Variants in TTC8 observed in about 807,000 individuals in gnomAD.
TTC8 encodes the protein tetratricopeptide repeat domain 8, also known as tetratricopeptide repeat protein 8.
A neutral mutation model predicts 72.5 loss-of-function variants in TTC8; 47 were observed. The ratio of observed to expected loss-of-function variants is 0.65; its 90% CI spans 0.51 to 0.83. The LOEUF (loss-of-function observed/expected upper bound fraction) is 0.83, where lower values mean the gene tolerates loss of function less well. Ranked by LOEUF, TTC8 falls within the 40% of genes least tolerant of loss-of-function variation. The probability of loss-of-function intolerance (pLI) is 0.00; values close to 1 mark genes in which losing one functional copy is unlikely to be tolerated. For missense variants in TTC8, 611 were observed against 623.2 expected, an observed-to-expected ratio of 0.98 and a Z score of 0.21; for synonymous variants, 199 against 221.4, an observed-to-expected ratio of 0.90 and a Z score of 0.90.
intron 3 of TTC8, 37 bp downstream of exon 3, chr14:88,839,609 C>T (rs2094770488): frequency 2.5e-6 from 4 of 1,608,676 alleles, no homozygotes; most frequent in Non-Finnish European, 3.4e-6. Context: ...AATGAAATAC[C>T]ATTAAGAGGA....
At chr14:88,876,718 T>C (rs1487872807) in intron 14 of TTC8, among the ~76,000 whole-genome samples, 1 of 152,180 alleles carries the variant, frequency 6.6e-6, no homozygotes, top group Admixed American at 6.5e-5. Flanking sequence ...GAGACATCCT[T>C]TATAAACTTT....
At chr14:88,862,541 CATATATATATATAT>C (rs71130022) in intron 10 of TTC8, among the ~76,000 whole-genome samples, 707 of 23,774 alleles carry the variant, frequency 0.03, 18 homozygotes, top group Non-Finnish European at 0.041. Context: ...TCTCTCTCTC[CATATATATATATAT>C]ATATATATAT....
At chr14:88,839,190 T>C (rs973871677) in intron 2 of TTC8, among the ~76,000 whole-genome samples, 1 of 152,182 alleles carries the variant, frequency 6.6e-6, no homozygotes, top group African/African-American at 2.4e-5. Flanking sequence ...TTTTTATTTA[T>C]AAAAAGGAGT....
At chr14:88,837,781 A>G (rs2094759887) in intron 2 of TTC8, among the ~76,000 whole-genome samples, 1 of 152,126 alleles carries the variant, frequency 6.6e-6, no homozygotes, top group African/African-American at 2.4e-5. Context: ...AGTTGTATAG[A>G]TATGGTATTG....
intron 2 of TTC8, among the ~76,000 whole-genome samples, chr14:88,836,356 G>GAT (rs892051628): frequency 2.0e-5 from 3 of 151,928 alleles, no homozygotes; most frequent in Non-Finnish European, 4.4e-5. Context: ...AGCTGGGTGT[G>GAT]ATAGTACACA....
chr14:88,849,787 T>G (rs2094825354), intron 7 of TTC8, among the ~76,000 whole-genome samples: 1 of 152,214 alleles, frequency 6.6e-6, no homozygotes, highest in South Asian at 2.1e-4. Context: ...AAGTTATATA[T>G]GGAAAACTAT....
intron 8 of TTC8, among the ~76,000 whole-genome samples, chr14:88,854,597 G>A (rs955743233): frequency 6.6e-6 from 1 of 152,126 alleles, no homozygotes; most frequent in African/African-American, 2.4e-5. Flanking sequence ...GATATCTTGG[G>A]GATGGGACCC....
chr14:88,839,111 A>T (rs985423547), intron 2 of TTC8, among the ~76,000 whole-genome samples: 2 of 152,200 alleles, frequency 1.3e-5, no homozygotes, highest in African/African-American at 2.4e-5. Flanking sequence ...AGAAAGAACA[A>T]TGTGGTTGTA....
chr14:88,868,559 A>G (rs1405212061), intron 10 of TTC8, among the ~76,000 whole-genome samples: 1 of 152,220 alleles, frequency 6.6e-6, no homozygotes. Flanking sequence ...AAAGGAATTT[A>G]CCATATTTCA....
intron 14 of TTC8, among the ~76,000 whole-genome samples, chr14:88,876,176 T>G (rs2094956618): frequency 6.6e-6 from 1 of 152,200 alleles, no homozygotes; most frequent in African/African-American, 2.4e-5. Flanking sequence ...GCTTAGTTAG[T>G]TAAACCCCCA....
intron 2 of TTC8, among the ~76,000 whole-genome samples, chr14:88,836,043 T>G (rs947757991): frequency 6.6e-6 from 1 of 152,148 alleles, no homozygotes; most frequent in African/African-American, 2.4e-5. Flanking sequence ...CTGATAAAAT[T>G]TAAAATTGAA....
chr14:88,861,470 C>G, intron 10 of TTC8, 138 bp downstream of exon 10: 1 of 624,232 alleles, frequency 1.6e-6, no homozygotes, highest in South Asian at 2.0e-5. Flanking sequence ...TCACCTCAAA[C>G]ATTTATCTTT....
intron 7 of TTC8, among the ~76,000 whole-genome samples, chr14:88,850,965 C>T (rs1398880701): frequency 6.6e-6 from 1 of 152,120 alleles, no homozygotes; most frequent in Admixed American, 6.5e-5. Context: ...AAATTCTGTA[C>T]ATCTCGAAGC....
chr14:88,840,809 A>G (rs1158771558), intron 3 of TTC8, 56 bp from the exon 4 acceptor site: 1 of 1,557,436 alleles, frequency 6.4e-7, no homozygotes, highest in African/African-American at 1.4e-5. Flanking sequence ...ATTAGCTTAC[A>G]GTTTTTACAG....
At chr14:88,824,593 C>T, upstream of TTC8, 1 of 792,174 alleles carries the variant, frequency 1.3e-6, no homozygotes, top group East Asian at 2.7e-5. Flanking sequence ...GGGCACCTCT[C>T]GGACAAGGCC....
intron 10 of TTC8, among the ~76,000 whole-genome samples, chr14:88,866,664 C>A (rs1412524487): frequency 6.6e-6 from 1 of 152,132 alleles, no homozygotes; most frequent in East Asian, 1.9e-4. Flanking sequence ...AATTAACCAT[C>A]TATACTTTTC....
chr14:88,857,223 TA>T lies in TTC8; in HGVS notation c.747del (p.Lys249AsnfsTer4), dbSNP rs749785657. On this transcript the variant is annotated frameshift_variant, in exon 9 of 15. Coordinates refer to ENST00000380656, the MANE Select transcript of TTC8 (RefSeq NM_144596.4). LOFTEE classifies it high-confidence loss of function. ...GMYREAEKQF[K>X]SALKQQEMVD... ...TGTATCGTGAAGCAGAAAAACAGTT[TA>T]AATCAGCCCTGAAGCAGCAGGAAAT... The T allele has an allele frequency of 1.9e-6, 3 of 1,613,930 alleles. No homozygotes were observed. In the South Asian group the frequency reaches 3.3e-5, roughly 18 times the overall value.
At chr14:88,824,610 G>T (rs562830203), upstream of TTC8, 175 of 979,174 alleles carry the variant, frequency 1.8e-4, no homozygotes, top group Non-Finnish European at 2.5e-4. Context: ...GGCCCCAGCC[G>T]TCGCGGGTTG....
intron 7 of TTC8, among the ~76,000 whole-genome samples, chr14:88,848,436 T>G (rs1178325455): frequency 1.3e-5 from 2 of 152,178 alleles, no homozygotes; most frequent in African/African-American, 4.8e-5. Flanking sequence ...GCCTTAAAGA[T>G]AGTTCCTCAA....
Sources: allele counts gnomAD v4.1 joint callset (sites outside exome capture counted in the v4.1 genomes callset), GRCh38; gene constraint gnomAD v4.1.1; transcripts MANE v1.5; gene names NCBI Gene and HGNC (gene_info 2026-07-23, HGNC 2026-07-21).